AP3B2: variants seen among roughly 807,000 people sequenced by gnomAD.
The protein encoded by AP3B2 is AP-3 complex subunit beta-2.
AP3B2 carries 50 observed loss-of-function variants against 126.9 expected under a neutral mutation model. That is an observed-to-expected ratio of 0.39 (90% CI 0.31 to 0.50). AP3B2 has a LOEUF of 0.50. Ranked by LOEUF, AP3B2 falls within the 20% of genes least tolerant of loss-of-function variation. The pLI is 0.79. For synonymous variants in AP3B2, 541 were observed against 565.0 expected (o/e 0.96, Z 0.60); for missense variants, 1,177 against 1,426.4 (o/e 0.83, Z 2.82).
chr15:82,668,116 A>T (rs1310122355), intron 14 of AP3B2, among the ~76,000 whole-genome samples: 1 of 152,224 alleles, frequency 6.6e-6, no homozygotes, highest in African/African-American at 2.4e-5. Context: ...TAAGGGGCAA[A>T]GCCCCTCAGA....
intron 21 of AP3B2, 73 bp downstream of exon 21, chr15:82,663,487 A>G: frequency 6.6e-7 from 1 of 1,513,358 alleles, no homozygotes; most frequent in Non-Finnish European, 9.2e-7. Flanking sequence ...CCCGATCCAG[A>G]GTCCCTATGG....
chr15:82,664,051 T>A lies in AP3B2; in HGVS notation c.2262-76A>T. The A allele has an allele frequency of 1.1e-5, 17 of 1,517,386 alleles. No individual in the cohort carries two copies. Among genetic ancestry groups the A allele is most frequent in the Non-Finnish European group, 1.5e-5 (17 of 1,135,516 alleles). The allele number at this position is 1,517,386 out of a possible 1,614,324, so 94.0% of individuals were successfully genotyped here. On this transcript the variant is annotated intron_variant, in intron 19 of 26. Transcript: ENST00000535359. This position sits in a 1 kb window ranked among gnomAD's most constrained non-coding sequence, Gnocchi z 4.5. ...TGCTTCACAGAAGCAGGAGAAATGC[T>A]GAAAAGCTGGAGTGGTGTGGGGAGC...
chr15:82,659,725 G>A lies in AP3B2; in HGVS notation c.3156-15C>T. The stretch of plus-strand genomic sequence containing the variant: ...TCCCTGCAAACCTGAGGTGGGAATA[G>A]AAGGGGTGAGGAAGAGCTGCTAAGG... On this transcript the variant is annotated splice_polypyrimidine_tract_variant and intron_variant, in intron 26 of 26. Coordinates refer to ENST00000535359, the MANE Select transcript of AP3B2 (RefSeq NM_001278512.2). 1 of 1,613,644 alleles carries A rather than the reference G, an allele frequency of 6.2e-7. No individual in the cohort carries two copies. The highest frequency in any genetic ancestry group is 8.5e-7 in the Non-Finnish European group (1 of 1,179,674).
At chr15:82,660,078 G>A (rs2047912818) in intron 25 of AP3B2, 95 bp from the exon 26 acceptor site, 3 of 1,468,830 alleles carry the variant, frequency 2.0e-6, no homozygotes, top group Non-Finnish European at 2.8e-6. Context: ...TCCCAGGCTG[G>A]GAAGGTATCA....
intron 14 of AP3B2, among the ~76,000 whole-genome samples, chr15:82,670,112 T>TTTG (rs1555465704): frequency 5.8e-5 from 4 of 68,938 alleles, no homozygotes; most frequent in African/African-American, 1.3e-4. Context: ...TTTTTTTTTT[T>TTTG]GGCGGGGGGG....
intron 14 of AP3B2, among the ~76,000 whole-genome samples, chr15:82,672,628 C>T (rs1049939858): frequency 6.6e-6 from 1 of 152,034 alleles, no homozygotes; most frequent in African/African-American, 2.4e-5. Context: ...TTGTTTGTAA[C>T]ACAAAAGATA....
At chr15:82,708,432 AC>A (rs2048830929) in intron 1 of AP3B2, among the ~76,000 whole-genome samples, 1 of 150,216 alleles carries the variant, frequency 6.7e-6, no homozygotes, top group South Asian at 2.1e-4. Context: ...GTCCCTCTAA[AC>A]CCCCACCCAA....
intron 11 of AP3B2, 118 bp downstream of exon 11, chr15:82,677,987 G>T: frequency 7.2e-7 from 1 of 1,394,960 alleles, no homozygotes. Flanking sequence ...CATTGGAACG[G>T]GAATGTAAGA....
chr15:82,688,679 C>A, intron 4 of AP3B2, 57 bp downstream of exon 4: 3 of 1,490,426 alleles, frequency 2.0e-6, no homozygotes, highest in Non-Finnish European at 1.8e-6. Context: ...CAGGCCTACT[C>A]CTCCGATACA....
intron 14 of AP3B2, among the ~76,000 whole-genome samples, chr15:82,667,854 G>A (rs188635079): frequency 9.8e-5 from 15 of 152,294 alleles, no homozygotes; most frequent in Admixed American, 6.5e-4. Flanking sequence ...CACCCCATCT[G>A]CTTCCCTTCA....
chr15:82,686,410 G>A lies in AP3B2; in HGVS notation c.360+2326C>T, dbSNP rs556777980. The A allele has an allele frequency of 2.6e-5, 4 of 152,166 alleles. No homozygotes were observed. The East Asian group carries it at 7.7e-4, about 29-fold the overall frequency. The allele number at this position is 152,166 out of a possible 1,614,324, so 9.4% of individuals were successfully genotyped here. Reference sequence around the variant, plus strand: ...CCAGTGACAACAAAAAAGAAAACAAGTTTTAAAGGAATACATATGTAGTAC... The same window carrying A: ...CCAGTGACAACAAAAAAGAAAACAAATTTTAAAGGAATACATATGTAGTAC... On this transcript the variant is annotated intron_variant, in intron 4 of 26. Transcript: ENST00000535359.
At position 82,680,512 on chromosome 15, in the gene AP3B2, C is replaced by G. The variant is rs1367868541; in HGVS notation, c.1015G>C (p.Val339Leu). The change falls in exon 8 of 27, where the codon GTC becomes CTC. Residue 339 changes from valine to leucine, a missense_variant. Around this residue, in one of 5 missense-constraint regions of AP3B2, gnomAD observed 308 missense variants for 452.4 expected, o/e 0.68. Transcript: ENST00000535359. The surrounding 1 kb of genome is among the most constrained non-coding windows in gnomAD (Gnocchi z 6.1). ...FHLAPKAEVG[V>L]IAKALVRLLR... ...AGGCGCACCAGCGCCTTGGCGATGA[C>G]GCCCACTTCCGCCTTGGGCGCCAGG... 6.5e-7 allele frequency: 1 copy of G among 1,532,428 alleles called. No individual in the cohort carries two copies. The highest frequency in any genetic ancestry group is 2.0e-5 in the Admixed American group (1 of 50,830). The allele number at this position is 1,532,428 out of a possible 1,614,324, so 94.9% of individuals were successfully genotyped here. A position where few individuals can be genotyped will look rare whatever the true frequency, so the allele number is the denominator to read the frequency against.
Position 82,692,296 on chromosome 15 carries a change from C to T in AP3B2, c.114-2843G>A, listed in dbSNP as rs991671142. The T allele has an allele frequency of 1.0e-5, 7 of 674,482 alleles. No homozygotes were observed. The East Asian group carries it at 2.0e-4, about 19-fold the overall frequency. 41.8% of individuals were successfully genotyped at this position (674,482 alleles called of 1,614,324 possible). A position where few individuals can be genotyped will look rare whatever the true frequency, so the allele number is the denominator to read the frequency against. ...CCGTACTTGTAGAAAAGGTCTTCCA[C>T]GTCCTTCTCGCGCACGTTGGAAGGC... On this transcript the variant is annotated intron_variant, in intron 1 of 26. Coordinates refer to ENST00000535359, the MANE Select transcript of AP3B2 (RefSeq NM_001278512.2).
intron 3 of AP3B2, 120 bp from the exon 4 acceptor site, chr15:82,688,951 G>T: frequency 9.6e-7 from 1 of 1,041,266 alleles, no homozygotes. Flanking sequence ...CTCTCCCAGT[G>T]GGGGAGAGCA....
intron 1 of AP3B2, among the ~76,000 whole-genome samples, chr15:82,691,572 GGT>G (rs1371750726): frequency 6.6e-6 from 1 of 151,026 alleles, no homozygotes; most frequent in African/African-American, 2.4e-5. Flanking sequence ...ATATGGCCCT[GGT>G]AGAAAGTATG....
intron 14 of AP3B2, 106 bp from the exon 15 acceptor site, chr15:82,667,039 C>T (rs1251203233): frequency 2.5e-6 from 3 of 1,201,378 alleles, no homozygotes; most frequent in Admixed American, 2.1e-5. Flanking sequence ...GTCTCCTCTC[C>T]CTGCTTAGGA....
In AP3B2 at chr15:82,689,373, C is replaced by G; in HGVS notation, c.189+5G>C. 1 of 1,613,792 alleles carries G rather than the reference C, an allele frequency of 6.2e-7. No individual in the cohort carries two copies. Among genetic ancestry groups the G allele is most frequent in the Middle Eastern group, 1.7e-4 (1 of 6,060 alleles). On this transcript the variant is annotated splice_donor_5th_base_variant and intron_variant, in intron 2 of 26. Transcript: ENST00000535359. ...CGGAGGGAGGCCTCCTCCTTCCCCT[C>G]TTACCGCCACAATCCTCTTCATGGC...
Position 82,681,053 on chromosome 15 carries a change from G to C in AP3B2, c.589-34C>G. Reference sequence around the variant, plus strand: ...AGAACAAAGACGAGAGGGTGAACGCGAAGGGTGGAAGGCCGGCTGCCGGTC... The same window carrying C: ...AGAACAAAGACGAGAGGGTGAACGCCAAGGGTGGAAGGCCGGCTGCCGGTC... On this transcript the variant is annotated intron_variant, in intron 6 of 26. Transcript: ENST00000535359. This position sits in a 1 kb window ranked among gnomAD's most constrained non-coding sequence, Gnocchi z 4.0. 1 of 1,613,456 alleles carries C rather than the reference G, an allele frequency of 6.2e-7. No individual in the cohort carries two copies. Among genetic ancestry groups the C allele is most frequent in the Non-Finnish European group, 8.5e-7 (1 of 1,179,846 alleles).
chr15:82,709,766 G>T lies in AP3B2; in HGVS notation c.-60C>A. 2.2e-6 allele frequency: 3 copies of T among 1,353,966 alleles called. No individual in the cohort carries two copies. Among genetic ancestry groups the T allele is most frequent in the Non-Finnish European group, 1.9e-6 (2 of 1,029,192 alleles). 83.9% of individuals were successfully genotyped at this position (1,353,966 alleles called of 1,614,324 possible). A position where few individuals can be genotyped will look rare whatever the true frequency, so the allele number is the denominator to read the frequency against. The stretch of plus-strand genomic sequence containing the variant: ...TGCGGGGCCGGAGGCCGGCTGGAGC[G>T]GAGGAAGGGAAGGCGGGCCGGTCCG... On this transcript the variant is annotated 5_prime_UTR_variant, in exon 1 of 27. Coordinates refer to ENST00000535359, the MANE Select transcript of AP3B2 (RefSeq NM_001278512.2).
Sources: gnomAD v4.1 joint callset for allele counts (sites outside exome capture counted in the v4.1 genomes callset) on GRCh38, gnomAD v4.1.1 for gene constraint, gnomAD v4.1.1 regional missense constraint, Gnocchi (gnomAD v3.1) non-coding constraint, MANE v1.5 for transcripts, NCBI Gene and HGNC (gene_info 2026-07-23, HGNC 2026-07-21) for gene names.